The following MYO15A variants were observed in gnomAD, a reference collection of about 807,000 sequenced individuals.
MYO15A encodes myosin XVA.
In MYO15A, 308 loss-of-function variants were observed where a neutral mutation model predicts 394.6. The ratio of observed to expected loss-of-function variants is 0.78; its 90% CI spans 0.71 to 0.86. MYO15A has a LOEUF of 0.86. Among genes scored for constraint, MYO15A ranks in the 40% least tolerant of loss-of-function variants. The probability of loss-of-function intolerance (pLI) is 0.00; values close to 1 mark genes in which losing one functional copy is unlikely to be tolerated. For missense variants in MYO15A, 4,606 were observed against 4,799.1 expected (o/e 0.96, Z 1.19); for synonymous variants, 1,957 against 2,003.8 (o/e 0.98, Z 0.62).
At chr17:18,114,241 C>CTTTT (rs10583154) in intron 1 of MYO15A, among the ~76,000 whole-genome samples, 10,872 of 55,566 alleles carry the variant, frequency 0.2, 3,400 homozygotes, top group Middle Eastern at 0.29. Context: ...ACAGTCCTGT[C>CTTTT]TTTTTTTTTT....
chr17:18,176,541 C>CTTTTTTTTTTTTTTTTT (rs35105114), intron 65 of MYO15A: 3 of 93,458 alleles, frequency 3.2e-5, no homozygotes, highest in Non-Finnish European at 2.1e-5. Flanking sequence ...TTTTACTTTT[C>CTTTTTTTTTTTTTTTTT]TTTTTTTTTT....
rs751460081 is a variant in MYO15A at position 18,136,437 on chromosome 17, C to T, written c.4617C>T (p.Ile1539=). ...FKVTETMREK[I]FTPLTVESAV... is the part of the protein sequence containing the mutation. The stretch of plus-strand genomic sequence containing the variant: ...CCTAGGAGACAATGCGAGAGAAGAT[C>T]TTCACGCCCCTAACTGTGGAGAGCG... Residue 1539 remains isoleucine (I), a synonymous_variant, in exon 14 of 66, where the codon ATC becomes ATT. Transcript: ENST00000647165. 1.2e-6 allele frequency: 2 copies of T among 1,613,820 alleles called. No homozygotes were observed. The highest frequency in any genetic ancestry group is 1.7e-6 in the Non-Finnish European group (2 of 1,180,030).
At chr17:18,172,962 A>C (rs1050668489) in intron 64 of MYO15A, among the ~76,000 whole-genome samples, 2 of 152,192 alleles carry the variant, frequency 1.3e-5, no homozygotes, top group Admixed American at 6.5e-5. Context: ...TTGCTCCCAG[A>C]ACTAGACCCT....
chr17:18,121,511 T>A lies in MYO15A; in HGVS notation c.2711T>A (p.Leu904Gln). 6.4e-7 allele frequency: 1 copy of A among 1,555,690 alleles called. No homozygotes were observed. Among genetic ancestry groups the A allele is most frequent in the South Asian group, 1.2e-5 (1 of 84,442 alleles). The change falls in exon 2 of 66, where the codon CTG becomes CAG. Residue 904 changes from leucine to glutamine, a missense_variant. Leu to Gln is a moderately radical substitution (Grantham distance 113). Around this residue, in one of 2 missense-constraint regions of MYO15A, gnomAD observed 1,830 missense variants for 1,689.7 expected, o/e 1.08. Coordinates refer to ENST00000647165, the MANE Select transcript of MYO15A (RefSeq NM_016239.4). The surrounding 1 kb of genome is among the most constrained non-coding windows in gnomAD (Gnocchi z 5.3). ...PPRAGAWRAPLEHRESPREPE... is the reference protein window; with the variant it reads ...PPRAGAWRAPQEHRESPREPE... ...AGGGCCGGGGCCTGGCGGGCGCCCC[T>A]GGAACACCGGGAGAGCCCGCGAGAA...
At chr17:18,154,525 T>G (rs886745912) in intron 44 of MYO15A, among the ~76,000 whole-genome samples, 155 bp from the exon 45 acceptor site, 1 of 152,136 alleles carries the variant, frequency 6.6e-6, no homozygotes, top group African/African-American at 2.4e-5. Context: ...GCCCTGTAAG[T>G]GGGATCTGAT....
intron 1 of MYO15A, among the ~76,000 whole-genome samples, chr17:18,116,929 A>AAAAG (rs1555537267): frequency 2.9e-4 from 39 of 132,236 alleles, no homozygotes; most frequent in African/African-American, 1.1e-3. Context: ...CAAAAAAAAA[A>AAAAG]AAAGAAAGAA....
Position 18,148,448 on chromosome 17 carries a change from A to G in MYO15A, c.6692-48A>G, listed in dbSNP as rs771079820. ...GAAGCAAGCAGGGAGGCACAGCCAA[A>G]CTGGACTCAGATGCTCCAACCTGAG... On this transcript the variant is annotated intron_variant, in intron 31 of 65. Transcript: ENST00000647165. The surrounding 1 kb of genome is among the most constrained non-coding windows in gnomAD (Gnocchi z 4.8). 3 of 1,548,692 alleles carry G rather than the reference A, an allele frequency of 1.9e-6. No homozygotes were observed.
At position 18,157,561 on chromosome 17, in the gene MYO15A, C is replaced by T. The variant is rs7222589; in HGVS notation, c.8789-161C>T. The T allele has an allele frequency of 9.5e-3, 13,147 of 1,385,330 alleles. 188 individuals are homozygous for T. Among genetic ancestry groups the T allele is most frequent in the African/African-American group, 0.057 (3,948 of 68,710 alleles). The allele number at this position is 1,385,330 out of a possible 1,614,324, so 85.8% of individuals were successfully genotyped here. A position where few individuals can be genotyped will look rare whatever the true frequency, so the allele number is the denominator to read the frequency against. On this transcript the variant is annotated intron_variant, in intron 50 of 65. Coordinates refer to ENST00000647165, the MANE Select transcript of MYO15A (RefSeq NM_016239.4). ...TGGCCCTGAGAAAATCCCTTTCTTT[C>T]CCTGAGCCTGTTTCCTCATCTGTAA...
intron 30 of MYO15A, among the ~76,000 whole-genome samples, chr17:18,146,647 A>G (rs1262595897): frequency 6.6e-6 from 1 of 152,232 alleles, no homozygotes; most frequent in African/African-American, 2.4e-5. Flanking sequence ...GCACAAGACC[A>G]GACGCAGTGG....
At chr17:18,167,540 G>T in intron 61 of MYO15A, 50 bp from the exon 62 acceptor site, 1 of 1,598,960 alleles carries the variant, frequency 6.3e-7, no homozygotes, top group Non-Finnish European at 8.5e-7. Flanking sequence ...GCAGCCAAGT[G>T]CCTGCACGCG....
chr17:18,132,179 A>G lies in MYO15A; in HGVS notation c.4207-274A>G, dbSNP rs1212021692. Among the ~76,000 whole-genome samples, 1 of 152,214 alleles carries G rather than the reference A, an allele frequency of 6.6e-6. No individual in the cohort carries two copies. Among genetic ancestry groups the G allele is most frequent in the Admixed American group, 6.5e-5 (1 of 15,280 alleles). On this transcript the variant is annotated intron_variant, in intron 10 of 65. Coordinates refer to ENST00000647165, the MANE Select transcript of MYO15A (RefSeq NM_016239.4). The surrounding 1 kb of genome is among the most constrained non-coding windows in gnomAD (Gnocchi z 4.6). ...GCAGGTGTGTGTGGCCGGTACACATAAGAGAAGACGGGTCCCTTTTCTCTT... is the reference window on the plus strand; with the variant it reads ...GCAGGTGTGTGTGGCCGGTACACATGAGAGAAGACGGGTCCCTTTTCTCTT...
In MYO15A at chr17:18,119,361, C is replaced by T. The variant is rs1320695219; in HGVS notation, c.561C>T (p.Leu187=). ...GAEILRPGGR[L]RRFPRSRSIY... is the part of the protein sequence containing the mutation. ...AGATCCTGCGGCCTGGGGGCCGGCTCCGGAGGTTCCCCCGCAGCCGCAGCA... is the reference window on the plus strand; with the variant it reads ...AGATCCTGCGGCCTGGGGGCCGGCTTCGGAGGTTCCCCCGCAGCCGCAGCA... The change falls in exon 2 of 66, where the codon CTC becomes CTT. Residue 187 remains leucine (L), a synonymous_variant. Coordinates refer to ENST00000647165, the MANE Select transcript of MYO15A (RefSeq NM_016239.4). The T allele has an allele frequency of 6.2e-7, 1 of 1,609,466 alleles. No homozygotes were observed. The highest frequency in any genetic ancestry group is 8.5e-7 in the Non-Finnish European group (1 of 1,179,268).
rs727503321 is a variant in MYO15A, at chr17:18,172,154, C to T, written c.10217-3C>T. 2.5e-6 allele frequency: 4 copies of T among 1,614,182 alleles called. No individual in the cohort carries two copies. Among genetic ancestry groups the T allele is most frequent in the African/African-American group, 1.3e-5 (1 of 75,048 alleles). ...GTAACTGCCACCCCCTCTCCCTGCC[C>T]AGGCCTCCTCAGCGCCTTACCTATG... On this transcript the variant is annotated splice_region_variant and splice_polypyrimidine_tract_variant and intron_variant, in intron 63 of 65. Transcript: ENST00000647165.
chr17:18,147,958 C>A lies in MYO15A; in HGVS notation c.6510-71C>A. The A allele has an allele frequency of 6.3e-7, 1 of 1,586,508 alleles. No individual in the cohort carries two copies. The highest frequency in any genetic ancestry group is 8.6e-7 in the Non-Finnish European group (1 of 1,156,318). ...GACTAGCCTCAGAATTTCCTACCCC[C>A]ACCCCGCAGCCCTCAGCCCCAAGCT... On this transcript the variant is annotated intron_variant, in intron 30 of 65. Coordinates refer to ENST00000647165, the MANE Select transcript of MYO15A (RefSeq NM_016239.4). The surrounding 1 kb of genome is among the most constrained non-coding windows in gnomAD (Gnocchi z 4.4).
intron 61 of MYO15A, 57 bp downstream of exon 61, chr17:18,166,578 T>C: frequency 6.3e-7 from 1 of 1,596,060 alleles, no homozygotes; most frequent in Non-Finnish European, 8.5e-7. Flanking sequence ...CCTGGGCCTG[T>C]GAATCAGACT....
intron 60 of MYO15A, 67 bp downstream of exon 60, chr17:18,163,905 C>T (rs991561691): frequency 3.3e-6 from 5 of 1,525,832 alleles, no homozygotes; most frequent in Non-Finnish European, 4.5e-6. Flanking sequence ...CATGTGGGGC[C>T]CTCCACCCAG....
chr17:18,167,837 ACC>A, intron 62 of MYO15A, 114 bp downstream of exon 62: 3 of 1,476,076 alleles, frequency 2.0e-6, no homozygotes, highest in Non-Finnish European at 2.8e-6. Context: ...CCCCTCTTAT[ACC>A]AGTGGGGCTA....
chr17:18,141,860 C>T, intron 23 of MYO15A, 90 bp downstream of exon 23: 10 of 1,413,060 alleles, frequency 7.1e-6, no homozygotes, highest in Non-Finnish European at 9.0e-6. Context: ...CTAGAGACTG[C>T]CATCCCAGGA....
Position 18,121,702 on chromosome 17 carries a change from C to T in MYO15A, c.2902C>T (p.Leu968=), listed in dbSNP as rs779241931. ...PVPENPFLQL[L]GPVPSPTLQP... ...GCCGGAAAACCCCTTTCTCCAGCTC[C>T]TGGGCCCTGTGCCATCCCCCACCCT... The change falls in exon 2 of 66, where the codon CTG becomes TTG. Residue 968 remains leucine, a synonymous_variant. Transcript: ENST00000647165. This position sits in a 1 kb window ranked among gnomAD's most constrained non-coding sequence, Gnocchi z 5.3. 5.6e-6 allele frequency: 9 copies of T among 1,608,112 alleles called. No individual in the cohort carries two copies. In the East Asian group the frequency reaches 2.0e-4, roughly 36 times the overall value.
Sources: allele counts gnomAD v4.1 joint callset (sites outside exome capture counted in the v4.1 genomes callset), GRCh38; gene constraint gnomAD v4.1.1; regional missense constraint gnomAD v4.1.1; non-coding constraint Gnocchi (gnomAD v3.1); transcripts MANE v1.5; gene names NCBI Gene and HGNC (gene_info 2026-07-23, HGNC 2026-07-21).